DOCK7: variants seen among roughly 807,000 people sequenced by gnomAD.
DOCK7 encodes the protein dedicator of cytokinesis protein 7.
DOCK7 carries 138 observed loss-of-function variants against 271.0 expected under a neutral mutation model. The observed-to-expected ratio is 0.51, with a 90% CI of 0.44 to 0.59. DOCK7 has a LOEUF of 0.59. Ranked by LOEUF, DOCK7 falls within the 20% of genes least tolerant of loss-of-function variation. The pLI is 0.00. For synonymous variants in DOCK7, 823 were observed against 876.1 expected, an observed-to-expected ratio of 0.94 and a Z score of 1.07; for missense variants, 2,066 against 2,592.4, an observed-to-expected ratio of 0.80 and a Z score of 4.41.
chr1:62,492,647 G>A (rs1646500075), intron 41 of DOCK7, 57 bp downstream of exon 41: 2 of 1,596,022 alleles, frequency 1.3e-6, no homozygotes, highest in African/African-American at 1.3e-5. Context: ...AAATACACAT[G>A]TCATTGATAA....
chr1:62,553,340 ATATATATATATATATTTTTTTTTTTTT>A (rs1216503235), intron 21 of DOCK7, among the ~76,000 whole-genome samples: 70 of 8,398 alleles, frequency 8.3e-3, no homozygotes, highest in Middle Eastern at 0.1. Context: ...ATATATATAT[ATATATATATATATATTTTTTTTTTTTT>A]TTTTTTTTTT....
chr1:62,475,464 T>C, intron 46 of DOCK7, 113 bp from the exon 47 acceptor site: 2 of 1,326,954 alleles, frequency 1.5e-6, no homozygotes, highest in Non-Finnish European at 2.0e-6. Flanking sequence ...AACTTTCATG[T>C]AACAATAAAA....
At chr1:62,480,638 A>C (rs1455245923) in intron 43 of DOCK7, among the ~76,000 whole-genome samples, 2 of 152,196 alleles carry the variant, frequency 1.3e-5, no homozygotes, top group Non-Finnish European at 1.5e-5. Flanking sequence ...TACAAATATT[A>C]GGGAAAGCGT....
intron 1 of DOCK7, among the ~76,000 whole-genome samples, chr1:62,683,039 G>A (rs1160120693): frequency 6.6e-6 from 1 of 152,110 alleles, no homozygotes; most frequent in African/African-American, 2.4e-5. Context: ...AGGACTAATG[G>A]TAGTCCCAAA....
In DOCK7 at chr1:62,539,746, C is replaced by T. The variant is rs1385670309; in HGVS notation, c.3186+6G>A. 1 of 1,612,398 alleles carries T rather than the reference C, an allele frequency of 6.2e-7. No homozygotes were observed. The highest frequency in any genetic ancestry group is 1.1e-5 in the South Asian group (1 of 90,520). On this transcript the variant is annotated splice_donor_region_variant and intron_variant, in intron 26 of 49. Transcript: ENST00000635253. Reference sequence around the variant, plus strand: ...GAGAGATAAGTGGGGAAAAAGTTATCATTACCTTCTGAAATCGTGAAACTA... The same window carrying T: ...GAGAGATAAGTGGGGAAAAAGTTATTATTACCTTCTGAAATCGTGAAACTA...
intron 1 of DOCK7, among the ~76,000 whole-genome samples, chr1:62,664,039 A>T (rs1477985442): frequency 6.6e-6 from 1 of 152,244 alleles, no homozygotes; most frequent in Non-Finnish European, 1.5e-5. Flanking sequence ...GCCATGAAAG[A>T]CATAGAGGAA....
intron 2 of DOCK7, among the ~76,000 whole-genome samples, chr1:62,657,967 GA>G (rs1658222507): frequency 6.6e-6 from 1 of 151,978 alleles, no homozygotes; most frequent in African/African-American, 2.4e-5. Context: ...CAGAGTCCTA[GA>G]AAGTGAGAAA....
intron 2 of DOCK7, among the ~76,000 whole-genome samples, chr1:62,654,795 G>A (rs992718517): frequency 4.6e-5 from 7 of 152,150 alleles, no homozygotes; most frequent in Non-Finnish European, 7.3e-5. Context: ...GGAGACAGAG[G>A]GAGATTAGGC....
At chr1:62,598,470 TAATTG>T (rs1296543050) in intron 14 of DOCK7, among the ~76,000 whole-genome samples, 1 of 152,084 alleles carries the variant, frequency 6.6e-6, no homozygotes, top group African/African-American at 2.4e-5. Context: ...CTTTTTCTTT[TAATTG>T]AAGTTCAGAA....
Position 62,474,156 on chromosome 1 carries a change from C to T in DOCK7, c.6106-68G>A, listed in dbSNP as rs544776744. On this transcript the variant is annotated intron_variant, in intron 47 of 49. Transcript: ENST00000635253. ...TAAAATCACAGAGACAGAATTTACTCAAATGATTTTTCTTAGCTCTGAGAT... is the reference window on the plus strand; with the variant it reads ...TAAAATCACAGAGACAGAATTTACTTAAATGATTTTTCTTAGCTCTGAGAT... The T allele has an allele frequency of 8.1e-6, 11 of 1,359,858 alleles. No homozygotes were observed. The East Asian group carries it at 2.3e-4, about 29-fold the overall frequency. 84.2% of individuals were successfully genotyped at this position (1,359,858 alleles called of 1,614,324 possible).
chr1:62,492,579 T>A, intron 41 of DOCK7, 125 bp downstream of exon 41: 1 of 1,231,184 alleles, frequency 8.1e-7, no homozygotes, highest in Non-Finnish European at 1.2e-6. Context: ...TGAGCCACCA[T>A]ACTGGGTCCA....
At chr1:62,571,903 TG>T (rs1646793125) in intron 18 of DOCK7, among the ~76,000 whole-genome samples, 1 of 151,914 alleles carries the variant, frequency 6.6e-6, no homozygotes, top group South Asian at 2.1e-4. Flanking sequence ...GGCCTGTCGT[TG>T]GGGGGAGTGT....
chr1:62,673,878 C>T (rs911994549), intron 1 of DOCK7, among the ~76,000 whole-genome samples: 1 of 149,152 alleles, frequency 6.7e-6, no homozygotes, highest in Non-Finnish European at 1.5e-5. Context: ...TTCTATTCAA[C>T]CTTGTACTGG....
Position 62,568,634 on chromosome 1 carries a change from G to T in DOCK7, c.2113-6931C>A, listed in dbSNP as rs1383399193. Among the ~76,000 whole-genome samples, 4 of 139,014 alleles carry T rather than the reference G, an allele frequency of 2.9e-5. No individual in the cohort carries two copies. The East Asian group carries it at 8.2e-4, about 29-fold the overall frequency. 91.2% of individuals were successfully genotyped at this position (139,014 alleles called of 152,430 possible). On this transcript the variant is annotated intron_variant, in intron 18 of 49. Coordinates refer to ENST00000635253, the MANE Select transcript of DOCK7 (RefSeq NM_001367561.1). ...AAAAAAAAAAAAAAAAAAAAGCTAG[G>T]AAGATCTCAAAGTGAAATCCTAACA... is the stretch of plus-strand genomic sequence containing the variant.
chr1:62,598,113 T>C (rs558636010), intron 14 of DOCK7: 297 of 1,470,800 alleles, frequency 2.0e-4, no homozygotes, highest in Non-Finnish European at 2.6e-4. Flanking sequence ...GTGGATCTTT[T>C]AAAAAAAATA....
intron 40 of DOCK7, among the ~76,000 whole-genome samples, chr1:62,494,003 T>C (rs1267911458): frequency 6.6e-6 from 1 of 152,208 alleles, no homozygotes; most frequent in Non-Finnish European, 1.5e-5. Flanking sequence ...TGTTAAAGTA[T>C]GTAACGGATT....
At chr1:62,680,910 A>G (rs1468289431) in intron 1 of DOCK7, among the ~76,000 whole-genome samples, 1 of 152,234 alleles carries the variant, frequency 6.6e-6, no homozygotes, top group East Asian at 1.9e-4. Flanking sequence ...GATGTGGAGA[A>G]ATAGGAACAC....
intron 14 of DOCK7, 93 bp downstream of exon 14, chr1:62,618,613 T>G (rs1652750111): frequency 8.5e-7 from 1 of 1,180,286 alleles, no homozygotes; most frequent in Admixed American, 2.4e-5. Context: ...ACAAAACTAC[T>G]TAAGATTTTT....
At chr1:62,682,100 G>T (rs1156487716) in intron 1 of DOCK7, among the ~76,000 whole-genome samples, 2 of 151,860 alleles carry the variant, frequency 1.3e-5, no homozygotes, top group Non-Finnish European at 2.9e-5. Context: ...CATAGCATTT[G>T]TGGAGGTACA....
Sources: allele counts gnomAD v4.1 joint callset (sites outside exome capture counted in the v4.1 genomes callset), GRCh38; gene constraint gnomAD v4.1.1; transcripts MANE v1.5; gene names NCBI Gene and HGNC (gene_info 2026-07-23, HGNC 2026-07-21).